The following LRBA variants were observed in gnomAD, a reference collection of about 807,000 sequenced individuals.
LRBA encodes lipopolysaccharide-responsive and beige-like anchor protein.
Under a neutral mutation model 330.0 loss-of-function variants are expected in LRBA, and 176 were observed. The ratio of observed to expected loss-of-function variants is 0.53; its 90% CI spans 0.47 to 0.60. LRBA has a LOEUF of 0.60. LRBA is among the 20% of genes least tolerant of loss of function. LRBA has a pLI of 0.00. For missense variants in LRBA, 3,259 were observed against 3,444.8 expected (o/e 0.95, Z 1.35); for synonymous variants, 1,230 against 1,193.0 (o/e 1.03, Z -0.64).
intron 47 of LRBA, among the ~76,000 whole-genome samples, chr4:150,403,700 A>C (rs1745794843): frequency 1.3e-5 from 2 of 152,090 alleles, no homozygotes; most frequent in Admixed American, 6.6e-5. Flanking sequence ...TTAAAGAAAG[A>C]AATTATGAAA....
chr4:150,509,634 T>TA (rs78067949), intron 40 of LRBA, among the ~76,000 whole-genome samples: 5 of 150,588 alleles, frequency 3.3e-5, no homozygotes, highest in African/African-American at 4.9e-5. Context: ...TTTGTTTTTT[T>TA]AAAAAAAGAT....
chr4:150,436,301 C>T (rs1486011514), intron 45 of LRBA, among the ~76,000 whole-genome samples: 2 of 152,146 alleles, frequency 1.3e-5, no homozygotes, highest in African/African-American at 4.8e-5. Flanking sequence ...TTCACAGAAA[C>T]ATTTCTTGTT....
intron 40 of LRBA, among the ~76,000 whole-genome samples, chr4:150,546,854 T>C (rs936048932): frequency 4.6e-5 from 7 of 152,182 alleles, no homozygotes; most frequent in African/African-American, 1.4e-4. Flanking sequence ...TTAATATGCA[T>C]TGATCATAGA....
At chr4:150,595,104 C>T (rs1475551647) in intron 38 of LRBA, among the ~76,000 whole-genome samples, 1 of 151,926 alleles carries the variant, frequency 6.6e-6, no homozygotes, top group East Asian at 1.9e-4. Context: ...ATCTGAAGCA[C>T]ACACCATAAC....
intron 49 of LRBA, among the ~76,000 whole-genome samples, chr4:150,325,373 A>C (rs1733108044): frequency 6.6e-6 from 1 of 152,190 alleles, no homozygotes. Flanking sequence ...GTGGTCCCTG[A>C]CCTTCAGTAA....
intron 40 of LRBA, among the ~76,000 whole-genome samples, chr4:150,500,405 G>A (rs1253195696): frequency 2.6e-5 from 4 of 151,748 alleles, no homozygotes; most frequent in Non-Finnish European, 5.9e-5. Context: ...GTGAAACCCT[G>A]TCTCTACTAA....
rs1037061754 is a variant in LRBA at position 150,944,827 on chromosome 4, G to A, written c.217-15762C>T. Among the ~76,000 whole-genome samples the A allele has an allele frequency of 3.9e-5, 6 of 152,168 alleles. No individual in the cohort carries two copies. In the South Asian group the frequency reaches 8.3e-4, roughly 21 times the overall value. ...GCAGCTCCCATAATCCCTACATGTC[G>A]TGGGAAGGACCCAGTGGTGGGTAAC... On this transcript the variant is annotated intron_variant, in intron 2 of 56. Coordinates refer to ENST00000651943, the MANE Select transcript of LRBA (RefSeq NM_001364905.1).
chr4:150,391,988 A>C (rs1036814939), intron 47 of LRBA, among the ~76,000 whole-genome samples: 5 of 151,716 alleles, frequency 3.3e-5, no homozygotes, highest in African/African-American at 1.2e-4. Flanking sequence ...AAAAAAAAAA[A>C]AAAAAAAAAA....
chr4:150,697,337 A>AAAAAAAAC lies in LRBA; in HGVS notation c.5755-13621_5755-13620insGTTTTTTT, dbSNP rs1561527587. Among the ~76,000 whole-genome samples, 468 of 145,330 alleles carry AAAAAAAAC rather than the reference A, an allele frequency of 3.2e-3. 22 individuals carry two copies. Among genetic ancestry groups the AAAAAAAAC allele is most frequent in the African/African-American group, 0.012 (447 of 38,396 alleles). ...AGACTTTGTCTCAGAAAAAAAAAAA[A>AAAAAAAAC]AAAAAAAAAAAAAACAGGGAGAGTT... is the stretch of plus-strand genomic sequence containing the variant. On this transcript the variant is annotated intron_variant, in intron 36 of 56. Coordinates refer to ENST00000651943, the MANE Select transcript of LRBA (RefSeq NM_001364905.1).
At chr4:150,992,479 A>G (rs1278354393) in intron 2 of LRBA, among the ~76,000 whole-genome samples, 1 of 152,236 alleles carries the variant, frequency 6.6e-6, no homozygotes, top group Non-Finnish European at 1.5e-5. Flanking sequence ...ATCAGAGGTC[A>G]TGCCATACAT....
rs894473129 is a variant in LRBA at position 150,436,860 on chromosome 4, A to G, written c.6785T>C (p.Ile2262Thr). The G allele has an allele frequency of 1.9e-6, 3 of 1,613,316 alleles. No individual in the cohort carries two copies. Among genetic ancestry groups the G allele is most frequent in the African/African-American group, 2.7e-5 (2 of 74,878 alleles). The change falls in exon 45 of 57, where the codon ATA (isoleucine) becomes ACA (threonine). Residue 2262 changes from isoleucine to threonine, a missense_variant. Transcript: ENST00000651943. ...PTNFRDLSKP[I>T]GALNPKRAAF... is the part of the protein sequence containing the mutation. The stretch of plus-strand genomic sequence containing the variant: ...TGCTCTTTTTGGGTTCAGAGCTCCT[A>G]TTGGCTGCCAATAGGGAGGGAAAAA...
intron 33 of LRBA, among the ~76,000 whole-genome samples, chr4:150,802,047 A>AATC (rs1741705466): frequency 2.2e-5 from 1 of 46,404 alleles, no homozygotes; most frequent in African/African-American, 5.0e-5. Context: ...ATAAATAAAT[A>AATC]AATCAATAAA....
At chr4:150,408,259 A>G (rs1268182847) in intron 47 of LRBA, among the ~76,000 whole-genome samples, 1 of 152,128 alleles carries the variant, frequency 6.6e-6, no homozygotes, top group Non-Finnish European at 1.5e-5. Flanking sequence ...AAGTCATACT[A>G]TGAACAACTT....
chr4:150,923,067 C>T (rs567114086), intron 4 of LRBA, among the ~76,000 whole-genome samples: 6 of 151,734 alleles, frequency 4.0e-5, no homozygotes, highest in South Asian at 4.2e-4. Context: ...GAATGTAAAT[C>T]GAAAGTATGT....
intron 2 of LRBA, among the ~76,000 whole-genome samples, chr4:150,965,347 T>A (rs920866594): frequency 1.3e-5 from 2 of 151,874 alleles, no homozygotes; most frequent in Non-Finnish European, 2.9e-5. Flanking sequence ...ATAAGAAAAA[T>A]TATCAGCAAA....
At chr4:150,741,829 T>C (rs1444215861) in intron 35 of LRBA, among the ~76,000 whole-genome samples, 17 of 152,160 alleles carry the variant, frequency 1.1e-4, no homozygotes. Flanking sequence ...AAAACTATGG[T>C]ATTAGAAGTT....
intron 41 of LRBA, among the ~76,000 whole-genome samples, chr4:150,489,197 AAGT>A (rs1245737436): frequency 3.5e-4 from 34 of 95,856 alleles, no homozygotes; most frequent in Non-Finnish European, 5.1e-4. Context: ...TATTATATAT[AAGT>A]ATATATTATA....
chr4:150,644,585 T>A (rs1778964040), intron 37 of LRBA, among the ~76,000 whole-genome samples: 1 of 151,814 alleles, frequency 6.6e-6, no homozygotes, highest in Non-Finnish European at 1.5e-5. Flanking sequence ...TAAAAATAAA[T>A]AAATAAAGCA....
intron 20 of LRBA, among the ~76,000 whole-genome samples, chr4:150,869,462 T>C (rs1753163315): frequency 1.3e-5 from 2 of 150,584 alleles, no homozygotes; most frequent in African/African-American, 2.4e-5. Context: ...GCTGAGGCAG[T>C]TGGATAATTT....
Sources: gnomAD v4.1 joint callset for allele counts (sites outside exome capture counted in the v4.1 genomes callset) on GRCh38, gnomAD v4.1.1 for gene constraint, MANE v1.5 for transcripts, NCBI Gene and HGNC (gene_info 2026-07-23, HGNC 2026-07-21) for gene names.